Variants in PDGFC observed in about 807,000 individuals in gnomAD.
The protein encoded by PDGFC is platelet derived growth factor C, also known as platelet-derived growth factor C.
A neutral mutation model predicts 35.5 loss-of-function variants in PDGFC; 12 were observed. The ratio of observed to expected loss-of-function variants is 0.34; its 90% confidence interval spans 0.22 to 0.55. PDGFC has a LOEUF of 0.55. Ranked by LOEUF, PDGFC falls within the 20% of genes least tolerant of loss-of-function variation. The pLI, the probability that PDGFC is intolerant of heterozygous loss-of-function variation, is 0.91. For synonymous variants in PDGFC, 159 were observed against 148.8 expected (o/e 1.07, Z -0.50); for missense variants, 322 against 412.4 (o/e 0.78, Z 1.90).
rs145509342 is a variant in PDGFC, at chr4:156,812,704, C to T, written c.315-1687G>A. Among the ~76,000 whole-genome samples the T allele has an allele frequency of 2.2e-3, 334 of 152,178 alleles. 6 individuals carry two copies. The South Asian group carries it at 0.034, about 16-fold the overall frequency. On this transcript the variant is annotated intron_variant, in intron 2 of 5. Transcript: ENST00000502773. ...CTCTTAAGGCATGGAACTTAAACTA[C>T]TTCAGCTTCATTTTCCTCACTGGTA...
intron 2 of PDGFC, among the ~76,000 whole-genome samples, chr4:156,834,373 T>C (rs941489336): frequency 2.0e-5 from 3 of 152,190 alleles, no homozygotes; most frequent in Admixed American, 6.5e-5. Context: ...GCAGGCCTCA[T>C]TTCCACTGAG....
At chr4:156,868,193 T>C (rs1230061064) in intron 1 of PDGFC, among the ~76,000 whole-genome samples, 1 of 152,218 alleles carries the variant, frequency 6.6e-6, no homozygotes, top group East Asian at 1.9e-4. Flanking sequence ...AAATGCAGTA[T>C]ATTAAATCCT....
At position 156,796,491 on chromosome 4, in the gene PDGFC, A is replaced by ATT. The variant is rs35891804; in HGVS notation, c.495+14344_495+14345dup. 4.7e-3 allele frequency among the ~76,000 whole-genome samples: 481 copies of ATT among 101,584 alleles called. 4 individuals carry two copies. The East Asian group carries it at 0.049, about 10-fold the overall frequency. 66.6% of individuals were successfully genotyped at this position (101,584 alleles called of 152,430 possible). On this transcript the variant is annotated intron_variant, in intron 3 of 5. Transcript: ENST00000502773. ...CGGACAGTATACAGGACCACTTTGT[A>ATT]TTTTTTTTTTTTTTTTTTTTTTTTT... is the stretch of plus-strand genomic sequence containing the variant.
chr4:156,835,082 G>A (rs1020829728), intron 2 of PDGFC, among the ~76,000 whole-genome samples: 1 of 152,144 alleles, frequency 6.6e-6, no homozygotes, highest in Admixed American at 6.5e-5. Flanking sequence ...TGTGGGATAG[G>A]GTCGGAGAGG....
rs989844988 is a variant in PDGFC at position 156,888,031 on chromosome 4, T to C, written c.119-37615A>G. ...AAAAAAAAAAAAAAAGATTGATAAA[T>C]ATAATTCAAACATGGTTATAATGGG... On this transcript the variant is annotated intron_variant, in intron 1 of 5. Transcript: ENST00000502773. Among the ~76,000 whole-genome samples the C allele has an allele frequency of 8.0e-5, 12 of 149,796 alleles. 1 individual carries two copies. The South Asian group carries it at 2.3e-3, about 29-fold the overall frequency.
At chr4:156,767,124 T>C (rs1482174673) in intron 5 of PDGFC, among the ~76,000 whole-genome samples, 2 of 151,996 alleles carry the variant, frequency 1.3e-5, no homozygotes, top group Non-Finnish European at 2.9e-5. Context: ...GGTGTTGGGA[T>C]TTAATTGGGA....
chr4:156,896,602 G>A (rs1730638640), intron 1 of PDGFC, among the ~76,000 whole-genome samples: 2 of 152,122 alleles, frequency 1.3e-5, no homozygotes, highest in African/African-American at 4.8e-5. Context: ...CAATATTTAA[G>A]ATGGACAATC....
At chr4:156,857,281 T>C (rs963327778) in intron 1 of PDGFC, among the ~76,000 whole-genome samples, 2 of 152,080 alleles carry the variant, frequency 1.3e-5, no homozygotes, top group Admixed American at 6.6e-5. Context: ...AGAAGACATA[T>C]GTAAGATATA....
At chr4:156,820,651 A>T (rs1193775801) in intron 2 of PDGFC, among the ~76,000 whole-genome samples, 1 of 152,208 alleles carries the variant, frequency 6.6e-6, no homozygotes, top group Non-Finnish European at 1.5e-5. Flanking sequence ...ATACTTTATG[A>T]CTGAGTATGG....
At chr4:156,882,801 C>T (rs1730274334) in intron 1 of PDGFC, among the ~76,000 whole-genome samples, 1 of 152,106 alleles carries the variant, frequency 6.6e-6, no homozygotes, top group South Asian at 2.1e-4. Flanking sequence ...AAATGTCACT[C>T]AGGCTGGGCA....
At chr4:156,802,768 C>G (rs1261099745) in intron 3 of PDGFC, among the ~76,000 whole-genome samples, 4 of 152,082 alleles carry the variant, frequency 2.6e-5, no homozygotes, top group Non-Finnish European at 5.9e-5. Flanking sequence ...ACAGTGAAGA[C>G]AATAGTGGGC....
At chr4:156,944,416 G>T (rs938813125) in intron 1 of PDGFC, among the ~76,000 whole-genome samples, 3 of 152,046 alleles carry the variant, frequency 2.0e-5, no homozygotes, top group Non-Finnish European at 2.9e-5. Flanking sequence ...TGCAATGTTT[G>T]CTTCTTTCTC....
At chr4:156,805,056 AG>A (rs1731722014) in intron 3 of PDGFC, among the ~76,000 whole-genome samples, 1 of 152,052 alleles carries the variant, frequency 6.6e-6, no homozygotes, top group Non-Finnish European at 1.5e-5. Context: ...TTGGAACAAA[AG>A]GAATCAGTAG....
intron 2 of PDGFC, among the ~76,000 whole-genome samples, chr4:156,836,304 C>A (rs570405809): frequency 6.6e-5 from 10 of 152,182 alleles, no homozygotes; most frequent in Non-Finnish European, 1.3e-4. Context: ...AGGCAACTCA[C>A]AACTATGTAA....
chr4:156,956,975 A>T (rs796853528), intron 1 of PDGFC, among the ~76,000 whole-genome samples: 50 of 152,126 alleles, frequency 3.3e-4, no homozygotes, highest in African/African-American at 1.2e-3. Context: ...CAGATTTTCA[A>T]GAAAAATGGC....
At chr4:156,959,996 T>G (rs531727422) in intron 1 of PDGFC, among the ~76,000 whole-genome samples, 2 of 152,064 alleles carry the variant, frequency 1.3e-5, no homozygotes, top group East Asian at 3.9e-4. Context: ...TCACTAATTT[T>G]TTCTTCGTTA....
intron 2 of PDGFC, among the ~76,000 whole-genome samples, chr4:156,827,953 C>A (rs535657608): frequency 1.3e-5 from 2 of 152,132 alleles, no homozygotes; most frequent in African/African-American, 2.4e-5. Flanking sequence ...AAAGCAAATG[C>A]GTGAAACAGT....
chr4:156,786,594 A>C (rs1731135010), intron 3 of PDGFC, among the ~76,000 whole-genome samples: 1 of 152,176 alleles, frequency 6.6e-6, no homozygotes, highest in Non-Finnish European at 1.5e-5. Context: ...ATAGGACTAC[A>C]AGGGGACACT....
chr4:156,858,520 T>C (rs1729636200), intron 1 of PDGFC, among the ~76,000 whole-genome samples: 1 of 152,020 alleles, frequency 6.6e-6, no homozygotes, highest in Non-Finnish European at 1.5e-5. Flanking sequence ...AGTTTTTTAC[T>C]CTGTTAAATT....
Sources: allele counts gnomAD v4.1 joint callset (sites outside exome capture counted in the v4.1 genomes callset), GRCh38; gene constraint gnomAD v4.1.1; transcripts MANE v1.5; gene names NCBI Gene and HGNC (gene_info 2026-07-23, HGNC 2026-07-21).